EXOC6B: variants seen among roughly 807,000 people sequenced by gnomAD.
The protein encoded by EXOC6B is exocyst complex component 6B, also known as SEC15 homolog B.
Under a neutral mutation model 113.5 loss-of-function variants are expected in EXOC6B, and 54 were observed. The observed-to-expected ratio is 0.48, with a 90% CI of 0.38 to 0.60. EXOC6B has a LOEUF of 0.60. EXOC6B is among the 20% of genes least tolerant of loss of function. The pLI is 0.00. For synonymous variants in EXOC6B, 357 were observed against 339.0 expected, an observed-to-expected ratio of 1.05 and a Z score of -0.58; for missense variants, 797 against 977.5, an observed-to-expected ratio of 0.82 and a Z score of 2.46.
rs537638708 is a variant in EXOC6B, at chr2:72,451,020, G to A, written c.1980+14140C>T. On this transcript the variant is annotated intron_variant, in intron 18 of 21. Coordinates refer to ENST00000272427, the MANE Select transcript of EXOC6B (RefSeq NM_015189.3). ...AGATCACAATTACTTGTACCCTAGG[G>A]AACCGATACCTCCTATTTCCTTTAC... is the stretch of plus-strand genomic sequence containing the variant. 3.3e-5 allele frequency among the ~76,000 whole-genome samples: 5 copies of A among 152,202 alleles called. No individual in the cohort carries two copies. The South Asian group carries it at 8.3e-4, about 25-fold the overall frequency.
At chr2:72,420,508 T>A (rs1212074033) in intron 18 of EXOC6B, among the ~76,000 whole-genome samples, 1 of 152,172 alleles carries the variant, frequency 6.6e-6, no homozygotes, top group Non-Finnish European at 1.5e-5. Flanking sequence ...TATTCTTGTG[T>A]TAGTTTGCTG....
chr2:72,671,749 G>GAGAAAGAAAGAAAGAA (rs533048065), intron 6 of EXOC6B, among the ~76,000 whole-genome samples: 7 of 96,672 alleles, frequency 7.2e-5, no homozygotes, highest in South Asian at 3.9e-4. Context: ...GAGAGAGACA[G>GAGAAAGAAAGAAAGAA]AGAAAGAAAG....
chr2:72,804,094 T>C (rs1559015768), intron 1 of EXOC6B, among the ~76,000 whole-genome samples: 1 of 152,188 alleles, frequency 6.6e-6, no homozygotes. Context: ...GCTCTGGGAT[T>C]CTAGGTTCAG....
At chr2:72,624,663 T>C (rs1484144333) in intron 6 of EXOC6B, among the ~76,000 whole-genome samples, 1 of 152,106 alleles carries the variant, frequency 6.6e-6, no homozygotes, top group East Asian at 1.9e-4. Context: ...GAAAAATCAC[T>C]TGAGCCCACA....
In EXOC6B at chr2:72,593,647, A is replaced by AC. The variant is rs1262874346; in HGVS notation, c.670-17980_670-17979insG. Among the ~76,000 whole-genome samples, 3 of 151,782 alleles carry AC rather than the reference A, an allele frequency of 2.0e-5. No individual in the cohort carries two copies. In the East Asian group the frequency reaches 5.8e-4, roughly 29 times the overall value. On this transcript the variant is annotated intron_variant, in intron 6 of 21. Transcript: ENST00000272427. ...AACAAAAACCAATAGGGATCTTAAA[A>AC]AAAAAAAAAAAGAGGAAGGAGATAT... is the stretch of plus-strand genomic sequence containing the variant.
At chr2:72,455,890 T>C (rs182191912) in intron 18 of EXOC6B, among the ~76,000 whole-genome samples, 2 of 152,164 alleles carry the variant, frequency 1.3e-5, no homozygotes, top group East Asian at 1.9e-4. Flanking sequence ...GTATATGGTA[T>C]GTACTCAAAA....
intron 20 of EXOC6B, among the ~76,000 whole-genome samples, chr2:72,307,305 A>G (rs1558542119): frequency 6.7e-6 from 1 of 148,418 alleles, no homozygotes; most frequent in Non-Finnish European, 1.5e-5. Flanking sequence ...ACGTCCGGCT[A>G]TTTTTTTTTT....
At chr2:72,784,571 A>G (rs1684261540) in intron 1 of EXOC6B, among the ~76,000 whole-genome samples, 1 of 152,156 alleles carries the variant, frequency 6.6e-6, no homozygotes, top group Non-Finnish European at 1.5e-5. Context: ...CACTTCTTAT[A>G]TGGTGGCGGC....
intron 20 of EXOC6B, among the ~76,000 whole-genome samples, chr2:72,192,927 T>C (rs531153497): frequency 3.3e-5 from 5 of 152,168 alleles, no homozygotes; most frequent in Non-Finnish European, 5.9e-5. Context: ...ACACTTAACA[T>C]ATAATCCAAG....
intron 6 of EXOC6B, among the ~76,000 whole-genome samples, chr2:72,705,906 T>C (rs1266333799): frequency 6.6e-6 from 1 of 152,208 alleles, no homozygotes; most frequent in Non-Finnish European, 1.5e-5. Flanking sequence ...CTAACAATAA[T>C]TAATTAAACT....
chr2:72,515,492 A>G (rs1358591694), intron 8 of EXOC6B: 1 of 1,043,460 alleles, frequency 9.6e-7, no homozygotes. Context: ...CTCACAGAAC[A>G]TTCCAGAAGA....
intron 1 of EXOC6B, among the ~76,000 whole-genome samples, chr2:72,801,279 T>C (rs1287713098): frequency 6.6e-6 from 1 of 152,196 alleles, no homozygotes; most frequent in Admixed American, 6.5e-5. Context: ...GTATGTTTGA[T>C]AACATACATA....
At chr2:72,650,230 C>G (rs1187414670) in intron 6 of EXOC6B, among the ~76,000 whole-genome samples, 2 of 152,212 alleles carry the variant, frequency 1.3e-5, no homozygotes, top group African/African-American at 2.4e-5. Context: ...AAACCATCCC[C>G]TACATCAGTT....
chr2:72,534,890 G>C (rs1237626620), intron 8 of EXOC6B, among the ~76,000 whole-genome samples: 1 of 152,056 alleles, frequency 6.6e-6, no homozygotes, highest in Non-Finnish European at 1.5e-5. Flanking sequence ...GACAAGTGTA[G>C]CTTTTGGTTT....
In EXOC6B at chr2:72,494,434, C is replaced by T. The variant is rs560340161; in HGVS notation, c.1553+996G>A. Among the ~76,000 whole-genome samples, 4 of 152,116 alleles carry T rather than the reference C, an allele frequency of 2.6e-5. No homozygotes were observed. In the East Asian group the frequency reaches 7.7e-4, roughly 29 times the overall value. On this transcript the variant is annotated intron_variant, in intron 15 of 21. Transcript: ENST00000272427. ...GAGAACATTTCTATGAAAACAATTT[C>T]ATTTTCAGAGAAAATGACAAATTAA... is the stretch of plus-strand genomic sequence containing the variant.
chr2:72,775,637 G>A (rs749525769), intron 1 of EXOC6B, among the ~76,000 whole-genome samples: 20 of 152,216 alleles, frequency 1.3e-4, no homozygotes, highest in Non-Finnish European at 2.5e-4. Context: ...ATGCTGAGAT[G>A]CTGAGAAAAA....
rs544563138 is a variant in EXOC6B at position 72,733,114 on chromosome 2, T to C, written c.284A>G (p.Gln95Arg). The C allele has an allele frequency of 2.2e-5, 35 of 1,589,360 alleles. 1 individual carries two copies. In the South Asian group the frequency reaches 3.5e-4, roughly 16 times the overall value. The change falls in exon 3 of 22, where the codon CAA becomes CGA. Residue 95 changes from glutamine to arginine, a missense_variant. By Grantham distance (43) the Gln-to-Arg change is conservative. Coordinates refer to ENST00000272427, the MANE Select transcript of EXOC6B (RefSeq NM_015189.3). The part of the protein sequence containing the change: ...VRGEAQKLKN[Q>R]VTDTNRKLQH... ...TAGTTTTCTATTAGTATCCGTCACT[T>C]GATTCTGTGGAGAGAAGACAATTTA... is the stretch of plus-strand genomic sequence containing the variant.
Position 72,825,704 on chromosome 2 carries a change from C to T in EXOC6B, c.113+94G>A, listed in dbSNP as rs1686862136. On this transcript the variant is annotated intron_variant, in intron 1 of 21. Transcript: ENST00000272427. This position sits in a 1 kb window ranked among gnomAD's most constrained non-coding sequence, Gnocchi z 4.4. The stretch of plus-strand genomic sequence containing the variant: ...TCTCTCCGAAGGGAGGGGCCGGCGC[C>T]GGACCTGGGGACAGCCGGCCGGAGG... 1 of 1,368,500 alleles carries T rather than the reference C, an allele frequency of 7.3e-7. No homozygotes were observed. The highest frequency in any genetic ancestry group is 9.5e-7 in the Non-Finnish European group (1 of 1,047,634). 84.8% of individuals were successfully genotyped at this position (1,368,500 alleles called of 1,614,324 possible).
chr2:72,369,572 G>C lies in EXOC6B; in HGVS notation c.2122+10157C>G, dbSNP rs549019667. Among the ~76,000 whole-genome samples, 924 of 152,256 alleles carry C rather than the reference G, an allele frequency of 6.1e-3. 7 individuals carry two copies. Among genetic ancestry groups the C allele is most frequent in the South Asian group, 0.024 (117 of 4,826 alleles). ...TTGCCAAGTCACTCCTAAGCCAAAA[G>C]AACAAAGTTGGAGGCATCATGCTAC... On this transcript the variant is annotated intron_variant, in intron 19 of 21. Transcript: ENST00000272427.
Sources: gnomAD v4.1 joint callset for allele counts (sites outside exome capture counted in the v4.1 genomes callset) on GRCh38, gnomAD v4.1.1 for gene constraint, Gnocchi (gnomAD v3.1) non-coding constraint, MANE v1.5 for transcripts, NCBI Gene and HGNC (gene_info 2026-07-23, HGNC 2026-07-21) for gene names.